The following VPS9D1 variants were observed in gnomAD, a reference collection of about 807,000 sequenced individuals.
VPS9D1 encodes the protein VPS9 domain containing 1.
Under a neutral mutation model 75.8 loss-of-function variants are expected in VPS9D1, and 78 were observed. That is an observed-to-expected ratio of 1.03 (90% confidence interval 0.86 to 1.24). The LOEUF is 1.24. VPS9D1 is among the 50% of genes most tolerant of loss of function. The pLI is 0.00. For missense variants in VPS9D1, 1,057 were observed against 847.7 expected (o/e 1.25, Z -3.07); for synonymous variants, 481 against 385.6 (o/e 1.25, Z -2.90).
intron 8 of VPS9D1, 102 bp downstream of exon 8, chr16:89,711,780 C>T (rs1410679964): frequency 1.8e-5 from 24 of 1,363,264 alleles, no homozygotes; most frequent in African/African-American, 3.0e-5. Context: ...CTGCCCCCCA[C>T]AGCCTCTGGC....
chr16:89,720,523 A>T, intron 1 of VPS9D1: 1 of 1,156,374 alleles, frequency 8.6e-7, no homozygotes, highest in Non-Finnish European at 1.1e-6. Flanking sequence ...CCAGGCTGTG[A>T]TGCACCGGCT....
chr16:89,716,537 CCTT>C lies in VPS9D1; in HGVS notation c.353_355del (p.Glu118del). 1.9e-6 allele frequency: 3 copies of C among 1,614,154 alleles called. No homozygotes were observed. The highest frequency in any genetic ancestry group is 2.5e-6 in the Non-Finnish European group (3 of 1,180,028). The stretch of plus-strand genomic sequence containing the variant: ...TGGCAGAAAAGGAGAGAGCTTTCCT[CCTT>C]CATCGGAGTATACACGGCGGTGTCG... On this transcript the variant is annotated inframe_deletion, in exon 4 of 15. Transcript: ENST00000389386.
Position 89,710,695 on chromosome 16 carries a change from C to T in VPS9D1, c.1149G>A (p.Leu383=), listed in dbSNP as rs1456174843. Residue 383 remains leucine (L), a synonymous_variant, in exon 10 of 15, where the codon CTG becomes CTA. Coordinates refer to ENST00000389386, the MANE Select transcript of VPS9D1 (RefSeq NM_004913.3). ...GCTCAGACGTCCCCAGGAACTGCTC[C>T]AGGTCCTCGAACGAGCTGTCCTTGT... ...LPDKDSSFED[L]EQFLGTSERQ... 4.3e-6 allele frequency: 7 copies of T among 1,610,124 alleles called. No individual in the cohort carries two copies. Among genetic ancestry groups the T allele is most frequent in the African/African-American group, 1.3e-5 (1 of 75,010 alleles).
At chr16:89,720,052 T>A (rs775764878) in intron 1 of VPS9D1, among the ~76,000 whole-genome samples, 2 of 152,230 alleles carry the variant, frequency 1.3e-5, no homozygotes, top group African/African-American at 2.4e-5. Context: ...CCCTAGCTGT[T>A]AAGTTTCCTA....
At chr16:89,716,960 G>GC (rs1360881772) in intron 2 of VPS9D1, 138 bp from the exon 3 acceptor site, 10 of 551,850 alleles carry the variant, frequency 1.8e-5, no homozygotes, top group African/African-American at 1.1e-4. Flanking sequence ...CAAGCCCACT[G>GC]CCCCCCCATC....
chr16:89,720,135 G>A (rs954490981), intron 1 of VPS9D1, among the ~76,000 whole-genome samples: 2 of 152,174 alleles, frequency 1.3e-5, no homozygotes, highest in African/African-American at 4.8e-5. Context: ...GGGGGCACCT[G>A]CTGCCCTAAA....
Position 89,707,735 on chromosome 16 carries a change from C to T in VPS9D1, c.*126G>A. ...GAGAGCACACCACAGTGGACAAGCCCCCACCATGTGCAGAGCAGCGTGAGG... is the reference window on the plus strand; with the variant it reads ...GAGAGCACACCACAGTGGACAAGCCTCCACCATGTGCAGAGCAGCGTGAGG... On this transcript the variant is annotated 3_prime_UTR_variant, in exon 15 of 15. Coordinates refer to ENST00000389386, the MANE Select transcript of VPS9D1 (RefSeq NM_004913.3). The T allele has an allele frequency of 5.0e-6, 4 of 795,044 alleles. No homozygotes were observed. Among genetic ancestry groups the T allele is most frequent in the Non-Finnish European group, 8.2e-6 (4 of 485,666 alleles). The allele number at this position is 795,044 out of a possible 1,614,324, so 49.2% of individuals were successfully genotyped here.
chr16:89,709,100 T>C (rs761980926), intron 12 of VPS9D1, 127 bp downstream of exon 12: 1 of 1,390,332 alleles, frequency 7.2e-7, no homozygotes, highest in African/African-American at 1.6e-5. Flanking sequence ...CAGACACCAC[T>C]TTTGTTCTGG....
intron 9 of VPS9D1, 90 bp from the exon 10 acceptor site, chr16:89,711,100 G>A (rs1340431480): frequency 1.5e-6 from 2 of 1,323,158 alleles, no homozygotes; most frequent in Non-Finnish European, 2.0e-6. Context: ...TCAGAGAAGC[G>A]ACTTGCATTA....
chr16:89,717,748 ACC>A (rs1226573407), intron 2 of VPS9D1: 3 of 455,456 alleles, frequency 6.6e-6, no homozygotes, highest in Admixed American at 4.7e-5. Flanking sequence ...CCACTCCTCC[ACC>A]CAACTCCTCA....
chr16:89,716,397 T>C, intron 4 of VPS9D1, 65 bp downstream of exon 4: 1 of 1,596,318 alleles, frequency 6.3e-7, no homozygotes, highest in Non-Finnish European at 8.5e-7. Context: ...TGTCATCAGC[T>C]CATCTTTCTC....
At chr16:89,713,796 C>T (rs2060997581) in intron 4 of VPS9D1, among the ~76,000 whole-genome samples, 1 of 151,584 alleles carries the variant, frequency 6.6e-6, no homozygotes. Flanking sequence ...ATAATGAGGT[C>T]AGGAGATTGA....
intron 8 of VPS9D1, 124 bp from the exon 9 acceptor site, chr16:89,711,536 C>A: frequency 1.0e-6 from 1 of 969,728 alleles, no homozygotes; most frequent in Non-Finnish European, 1.5e-6. Flanking sequence ...GGAGACCCAG[C>A]GCCAGCAGGC....
In VPS9D1 at chr16:89,708,472, TGA is replaced by T; in HGVS notation, c.1755_1756del (p.Gln586AlafsTer75). The T allele has an allele frequency of 6.2e-7, 1 of 1,613,058 alleles. No homozygotes were observed. The highest frequency in any genetic ancestry group is 8.5e-7 in the Non-Finnish European group (1 of 1,179,914). The stretch of plus-strand genomic sequence containing the variant: ...CAGGGCCGCGCACTCCGACACCAGC[TGA>T]GGGAGGCCGCTCCTCAGCACCACGA... On this transcript the variant is annotated frameshift_variant, in exon 14 of 15. Coordinates refer to ENST00000389386, the MANE Select transcript of VPS9D1 (RefSeq NM_004913.3). LOFTEE classifies it high-confidence loss of function.
rs548955532 is a variant in VPS9D1, at chr16:89,707,750, G to A, written c.*111C>T. 2.6e-5 allele frequency: 24 copies of A among 913,186 alleles called. No homozygotes were observed. The African/African-American group carries it at 3.1e-4, about 12-fold the overall frequency. The allele number at this position is 913,186 out of a possible 1,614,324, so 56.6% of individuals were successfully genotyped here. A position where few individuals can be genotyped will look rare whatever the true frequency, so the allele number is the denominator to read the frequency against. On this transcript the variant is annotated 3_prime_UTR_variant, in exon 15 of 15. Coordinates refer to ENST00000389386, the MANE Select transcript of VPS9D1 (RefSeq NM_004913.3). ...TGGACAAGCCCCCACCATGTGCAGA[G>A]CAGCGTGAGGCTCCAGGATGGTCCT...
At position 89,710,637 on chromosome 16, in the gene VPS9D1, GC is replaced by G; in HGVS notation, c.1206del (p.Glu402AspfsTer7). On this transcript the variant is annotated frameshift_variant, in exon 10 of 15. Transcript: ENST00000389386. LOFTEE classifies it high-confidence loss of function. ...GCGGTCTTCAGCTGCTGCAGCTGGG[GC>G]TCCGGCTGTACCCCACGGCCCCGGC... ...RQGRGRGVQP[E>X]PQLQQLKTAV... 3 of 1,611,206 alleles carry G rather than the reference GC, an allele frequency of 1.9e-6. No homozygotes were observed. Among genetic ancestry groups the G allele is most frequent in the Non-Finnish European group, 2.5e-6 (3 of 1,178,734 alleles).
At chr16:89,717,164 G>C (rs1231688238) in intron 2 of VPS9D1, among the ~76,000 whole-genome samples, 1 of 109,322 alleles carries the variant, frequency 9.1e-6, no homozygotes, top group Non-Finnish European at 1.8e-5. Flanking sequence ...ATGGACCCCA[G>C]GCAAGGCCCC....
intron 4 of VPS9D1, among the ~76,000 whole-genome samples, chr16:89,716,142 G>A (rs769901892): frequency 6.6e-6 from 1 of 152,006 alleles, no homozygotes; most frequent in Admixed American, 6.5e-5. Flanking sequence ...CGAGGCAGGC[G>A]CATCACGAGG....
rs1384903795 is a variant in VPS9D1 at position 89,710,654 on chromosome 16, C to T, written c.1190G>A (p.Arg397His). Residue 397 changes from arginine to histidine, a missense_variant, in exon 10 of 15, where the codon CGT becomes CAT. Transcript: ENST00000389386. ...CAGCTGGGGCTCCGGCTGTACCCCA[C>T]GGCCCCGGCCCTGCCGCTCAGACGT... The part of the protein sequence containing the change: ...LGTSERQGRG[R>H]GVQPEPQLQQ... 1.2e-6 allele frequency: 2 copies of T among 1,611,530 alleles called. No individual in the cohort carries two copies. Among genetic ancestry groups the T allele is most frequent in the East Asian group, 2.2e-5 (1 of 44,850 alleles).
Sources: gnomAD v4.1 joint callset for allele counts (sites outside exome capture counted in the v4.1 genomes callset) on GRCh38, gnomAD v4.1.1 for gene constraint, MANE v1.5 for transcripts, NCBI Gene and HGNC (gene_info 2026-07-23, HGNC 2026-07-21) for gene names.